The following SAMTOR variants were observed in gnomAD, a reference collection of about 807,000 sequenced individuals.
The protein encoded by SAMTOR is UPF0532 protein C7orf60.
At chr7:112,879,296 G>T in the SAMTOR span, among the ~76,000 whole-genome samples, 1,603 of 151,406 alleles carry the variant, frequency 0.011, 29 homozygotes, top group African/African-American at 0.036. Flanking sequence ...TAATCAAGCC[G>T]CCATGTGCAG....
chr7:112,868,677 A>G, the SAMTOR span, among the ~76,000 whole-genome samples: 1 of 152,228 alleles, frequency 6.6e-6, no homozygotes, highest in Non-Finnish European at 1.5e-5. Flanking sequence ...ACCTGGCAAC[A>G]GCAGCCACTG....
chr7:112,842,058 G>A, the SAMTOR span, among the ~76,000 whole-genome samples: 7 of 151,838 alleles, frequency 4.6e-5, no homozygotes, highest in African/African-American at 7.3e-5. Flanking sequence ...ACTTTAGGTC[G>A]TACCTTGTTT....
the SAMTOR span, among the ~76,000 whole-genome samples, chr7:112,914,498 AT>A: frequency 6.6e-6 from 1 of 152,032 alleles, no homozygotes; most frequent in African/African-American, 2.4e-5. Context: ...GCATTATTTC[AT>A]TTTCTGATAT....
the SAMTOR span, among the ~76,000 whole-genome samples, chr7:112,908,992 C>T: frequency 6.6e-6 from 1 of 152,260 alleles, no homozygotes; most frequent in South Asian, 2.1e-4. Flanking sequence ...CCACCAGTTC[C>T]ATGACAGTTG....
the SAMTOR span, among the ~76,000 whole-genome samples, chr7:112,886,489 T>C: frequency 6.6e-6 from 1 of 152,132 alleles, no homozygotes. Context: ...GATTTATTGC[T>C]GAAATAAAAC....
At chr7:112,840,375 T>C in the SAMTOR span, among the ~76,000 whole-genome samples, 1 of 151,942 alleles carries the variant, frequency 6.6e-6, no homozygotes, top group Non-Finnish European at 1.5e-5. Context: ...TCTATTATTA[T>C]TACTGGTGTA....
chr7:112,881,076 CA>C, the SAMTOR span, among the ~76,000 whole-genome samples: 1 of 152,208 alleles, frequency 6.6e-6, no homozygotes, highest in African/African-American at 2.4e-5. Flanking sequence ...CACTGCCCCG[CA>C]GGCTCAGAAG....
At chr7:112,876,836 T>C in the SAMTOR span, among the ~76,000 whole-genome samples, 2 of 152,232 alleles carry the variant, frequency 1.3e-5, no homozygotes, top group African/African-American at 4.8e-5. Context: ...ACAATGTATT[T>C]ATGTACTTAT....
the SAMTOR span, among the ~76,000 whole-genome samples, chr7:112,854,865 T>C: frequency 1.3e-5 from 2 of 152,152 alleles, no homozygotes; most frequent in African/African-American, 4.8e-5. Flanking sequence ...AGAAACTCCA[T>C]ATACAGAGCT....
chr7:112,831,688 C>A, the SAMTOR span, among the ~76,000 whole-genome samples: 3 of 152,258 alleles, frequency 2.0e-5, no homozygotes, highest in African/African-American at 7.2e-5. Flanking sequence ...GATCCTGCTT[C>A]ACTGAATTGA....
chr7:112,933,690 T>G, the SAMTOR span, among the ~76,000 whole-genome samples: 1 of 152,216 alleles, frequency 6.6e-6, no homozygotes, highest in Non-Finnish European at 1.5e-5. Context: ...CTTAGTTCAA[T>G]GTTTTCTCAA....
the SAMTOR span, among the ~76,000 whole-genome samples, chr7:112,834,086 T>C: frequency 5.3e-5 from 8 of 152,242 alleles, 1 homozygote; most frequent in Admixed American, 5.2e-4. Flanking sequence ...CATTTGCTGT[T>C]GTTTTTGAGT....
chr7:112,918,551 A>G, the SAMTOR span, among the ~76,000 whole-genome samples: 15 of 152,200 alleles, frequency 9.9e-5, no homozygotes, highest in African/African-American at 3.6e-4. Flanking sequence ...AACGAGCAAA[A>G]TAACCAGCTA....
At chr7:112,839,321 C>T in the SAMTOR span, among the ~76,000 whole-genome samples, 1 of 151,750 alleles carries the variant, frequency 6.6e-6, no homozygotes, top group Non-Finnish European at 1.5e-5. Flanking sequence ...GAATGCCAAC[C>T]AATATATTTG....
chr7:112,862,868 G>A, the SAMTOR span, among the ~76,000 whole-genome samples: 5 of 150,966 alleles, frequency 3.3e-5, no homozygotes, highest in Non-Finnish European at 5.9e-5. Context: ...CGTGGAGGTT[G>A]TAGTGAGCTG....
chr7:112,880,902 T>C, the SAMTOR span, among the ~76,000 whole-genome samples: 1 of 152,086 alleles, frequency 6.6e-6, no homozygotes, highest in Non-Finnish European at 1.5e-5. Flanking sequence ...AGGGGAGGTG[T>C]GGCCAGAGCT....
chr7:112,915,720 G>T, the SAMTOR span, among the ~76,000 whole-genome samples: 53 of 152,270 alleles, frequency 3.5e-4, no homozygotes, highest in South Asian at 6.2e-4. Context: ...AATGATAACA[G>T]ATTTGTGAAG....
the SAMTOR span, among the ~76,000 whole-genome samples, chr7:112,920,229 T>C: frequency 0.011 from 1,637 of 152,040 alleles, 29 homozygotes; most frequent in African/African-American, 0.037. Context: ...AATCCAGCAG[T>C]GCATCAAAAA....
chr7:112,888,656 T>C, the SAMTOR span, among the ~76,000 whole-genome samples: 2 of 152,290 alleles, frequency 1.3e-5, no homozygotes, highest in East Asian at 3.9e-4. Context: ...CTTTACTATG[T>C]GAACCCTTGC....
Sources: gnomAD v4.1 joint callset for allele counts (sites outside exome capture counted in the v4.1 genomes callset) on GRCh38, gnomAD v4.1.1 for gene constraint, MANE v1.5 for transcripts, NCBI Gene and HGNC (gene_info 2026-07-23, HGNC 2026-07-21) for gene names.